Variants in CNTN6 observed in about 807,000 individuals in gnomAD.
The protein encoded by CNTN6 is contactin-6.
In CNTN6, 137 loss-of-function variants were observed where a neutral mutation model predicts 122.8. The observed-to-expected ratio is 1.12, with a 90% confidence interval of 0.97 to 1.29. CNTN6 has a LOEUF of 1.29. Among genes scored for constraint, CNTN6 ranks in the 50% most tolerant of loss-of-function variants. CNTN6 has a pLI of 0.00. For synonymous variants in CNTN6, 570 were observed against 426.0 expected (o/e 1.34, Z -4.16); for missense variants, 1,634 against 1,223.4 (o/e 1.34, Z -5.01).
intron 12 of CNTN6, among the ~76,000 whole-genome samples, chr3:1,363,238 G>A (rs1034957567): frequency 1.6e-4 from 25 of 151,880 alleles, no homozygotes; most frequent in African/African-American, 4.1e-4. Flanking sequence ...GTGTCTCTGC[G>A]ATGAGAACAC....
In CNTN6 at chr3:1,295,349, C is replaced by G. The variant is rs569194028; in HGVS notation, c.455-252C>G. On this transcript the variant is annotated intron_variant, in intron 5 of 22. Transcript: ENST00000446702. ...ACTCATCCACTTATTTCCATAACAT[C>G]CTATTGTTATATCCTTAATCCCAAA... Among the ~76,000 whole-genome samples, 8 of 152,180 alleles carry G rather than the reference C, an allele frequency of 5.3e-5. No individual in the cohort carries two copies. The East Asian group carries it at 1.5e-3, about 29-fold the overall frequency.
At chr3:1,311,120 T>C (rs1699162814) in intron 7 of CNTN6, among the ~76,000 whole-genome samples, 1 of 151,366 alleles carries the variant, frequency 6.6e-6, no homozygotes, top group Admixed American at 6.6e-5. Flanking sequence ...TTTTTATATA[T>C]ACATAGGTGT....
At chr3:1,216,076 C>G (rs1220890612) in intron 2 of CNTN6, among the ~76,000 whole-genome samples, 2 of 152,096 alleles carry the variant, frequency 1.3e-5, no homozygotes, top group Non-Finnish European at 2.9e-5. Flanking sequence ...GAGGCTTCAC[C>G]CCTGAGTGCA....
chr3:1,187,801 G>T (rs1467192940), intron 2 of CNTN6, among the ~76,000 whole-genome samples: 1 of 152,204 alleles, frequency 6.6e-6, no homozygotes, highest in African/African-American at 2.4e-5. Context: ...TACTGTGCCA[G>T]TGCCTCCTGG....
chr3:1,168,110 G>A (rs914755783), intron 2 of CNTN6, among the ~76,000 whole-genome samples: 1 of 151,802 alleles, frequency 6.6e-6, no homozygotes, highest in Admixed American at 6.6e-5. Context: ...GGTTCCCCAT[G>A]TTGGCCAGGT....
chr3:1,342,452 G>A (rs1704037375), intron 11 of CNTN6, among the ~76,000 whole-genome samples: 1 of 152,128 alleles, frequency 6.6e-6, no homozygotes, highest in Non-Finnish European at 1.5e-5. Flanking sequence ...ATAAGCACTT[G>A]CTTTCCAGCA....
chr3:1,105,371 T>A (rs1364107957), intron 1 of CNTN6, among the ~76,000 whole-genome samples: 4 of 152,276 alleles, frequency 2.6e-5, no homozygotes, highest in Middle Eastern at 3.4e-3. Flanking sequence ...TTTGATATTT[T>A]ACATTTTTTC....
At chr3:1,286,964 G>A (rs1447853114) in intron 5 of CNTN6, among the ~76,000 whole-genome samples, 2 of 152,124 alleles carry the variant, frequency 1.3e-5, no homozygotes, top group Non-Finnish European at 2.9e-5. Flanking sequence ...AAGATCAAAA[G>A]AGACAAAGAA....
chr3:1,289,878 G>T (rs1479562387), intron 5 of CNTN6, among the ~76,000 whole-genome samples: 2 of 152,092 alleles, frequency 1.3e-5, no homozygotes, highest in East Asian at 1.9e-4. Context: ...GTTTCACCGT[G>T]TTAGCCAGGA....
intron 12 of CNTN6, among the ~76,000 whole-genome samples, chr3:1,360,415 A>C (rs1707281310): frequency 6.6e-6 from 1 of 152,036 alleles, no homozygotes; most frequent in Non-Finnish European, 1.5e-5. Flanking sequence ...CTTGGTCCTA[A>C]AATATCTTTC....
At chr3:1,111,244 A>T (rs1459604319) in intron 1 of CNTN6, among the ~76,000 whole-genome samples, 4 of 152,152 alleles carry the variant, frequency 2.6e-5, no homozygotes, top group South Asian at 2.1e-4. Flanking sequence ...CCCCAGTGCT[A>T]TTTAGCTCAT....
chr3:1,341,107 A>G (rs561743497), intron 11 of CNTN6, among the ~76,000 whole-genome samples: 2 of 152,162 alleles, frequency 1.3e-5, no homozygotes, highest in South Asian at 4.1e-4. Flanking sequence ...AGACTTCTCC[A>G]TTCTGTTCTG....
At chr3:1,144,674 A>G (rs769927276) in intron 1 of CNTN6, among the ~76,000 whole-genome samples, 1 of 152,200 alleles carries the variant, frequency 6.6e-6, no homozygotes, top group Non-Finnish European at 1.5e-5. Context: ...AAAACAAAAT[A>G]CAAACAGGAC....
Position 1,356,178 on chromosome 3 carries a change from G to C in CNTN6, c.1492+3727G>C, listed in dbSNP as rs143827405. 1.5e-3 allele frequency among the ~76,000 whole-genome samples: 221 copies of C among 151,848 alleles called. 1 individual carries two copies. The highest frequency in any genetic ancestry group is 5.1e-3 in the African/African-American group (211 of 41,484). On this transcript the variant is annotated intron_variant, in intron 12 of 22. Coordinates refer to ENST00000446702, the MANE Select transcript of CNTN6 (RefSeq NM_001289080.2). Reference sequence around the variant, plus strand: ...CATAAAAGGAGAAATTATTTGATCTGGCATTTGGAAAATTATTAAAAAGCA... The same window carrying C: ...CATAAAAGGAGAAATTATTTGATCTCGCATTTGGAAAATTATTAAAAAGCA...
At chr3:1,192,833 A>G (rs369729020) in intron 2 of CNTN6, among the ~76,000 whole-genome samples, 29 of 152,256 alleles carry the variant, frequency 1.9e-4, no homozygotes, top group East Asian at 1.7e-3. Context: ...TCCAGCTTAG[A>G]ATTAGTCTAC....
intron 17 of CNTN6, among the ~76,000 whole-genome samples, chr3:1,380,547 G>A (rs1057247728): frequency 6.6e-6 from 1 of 152,094 alleles, no homozygotes; most frequent in African/African-American, 2.4e-5. Flanking sequence ...AGGTACACAG[G>A]ATAAAGCACT....
chr3:1,207,605 T>C (rs754337690), intron 2 of CNTN6, among the ~76,000 whole-genome samples: 5 of 152,170 alleles, frequency 3.3e-5, no homozygotes, highest in Non-Finnish European at 7.4e-5. Context: ...CCTTTATTTC[T>C]CTCCATAGCA....
At chr3:1,251,987 C>G (rs74334635) in intron 4 of CNTN6, among the ~76,000 whole-genome samples, 3,146 of 152,202 alleles carry the variant, frequency 0.021, 102 homozygotes, top group African/African-American at 0.073. Flanking sequence ...CAGTTGCTTA[C>G]CTCTAGAGTT....
At chr3:1,248,296 A>G (rs1435277042) in intron 4 of CNTN6, among the ~76,000 whole-genome samples, 1 of 152,198 alleles carries the variant, frequency 6.6e-6, no homozygotes, top group Non-Finnish European at 1.5e-5. Flanking sequence ...ATGGGAATTT[A>G]TACAAATAAA....
Sources: allele counts gnomAD v4.1 joint callset (sites outside exome capture counted in the v4.1 genomes callset), GRCh38; gene constraint gnomAD v4.1.1; transcripts MANE v1.5; gene names NCBI Gene and HGNC (gene_info 2026-07-23, HGNC 2026-07-21).